SLC26A5: variants seen among roughly 807,000 people sequenced by gnomAD.
SLC26A5 encodes the protein prestin.
In SLC26A5, 51 loss-of-function variants were observed where a neutral mutation model predicts 81.0. That is an observed-to-expected ratio of 0.63 (90% CI 0.50 to 0.80). SLC26A5 has a LOEUF of 0.80. SLC26A5 is among the 30% of genes least tolerant of loss of function. The pLI is 0.00. For synonymous variants in SLC26A5, 325 were observed against 332.8 expected, an observed-to-expected ratio of 0.98 and a Z score of 0.25; for missense variants, 771 against 905.8, an observed-to-expected ratio of 0.85 and a Z score of 1.91.
chr7:103,424,218 T>C (rs1825559719), intron 2 of SLC26A5, among the ~76,000 whole-genome samples: 1 of 152,218 alleles, frequency 6.6e-6, no homozygotes. Context: ...TTCCAAACCC[T>C]TGTTCTGTCT....
intron 7 of SLC26A5, among the ~76,000 whole-genome samples, chr7:103,409,777 G>A (rs890966834): frequency 5.9e-5 from 9 of 151,614 alleles, no homozygotes; most frequent in African/African-American, 2.2e-4. Context: ...ATGGGATCTC[G>A]GGTCACTACA....
intron 2 of SLC26A5, among the ~76,000 whole-genome samples, chr7:103,425,241 A>G (rs1825632559): frequency 6.6e-6 from 1 of 152,224 alleles, no homozygotes; most frequent in Admixed American, 6.5e-5. Flanking sequence ...TCCCCAGGAC[A>G]TGCAGTTGAT....
chr7:103,429,112 A>G (rs1469590528), intron 2 of SLC26A5, among the ~76,000 whole-genome samples: 3 of 152,228 alleles, frequency 2.0e-5, no homozygotes, highest in African/African-American at 7.2e-5. Flanking sequence ...CAAAATGCCA[A>G]TTAAATCTCT....
At chr7:103,392,574 G>GTTAT (rs1174013751) in intron 10 of SLC26A5, among the ~76,000 whole-genome samples, 2 of 152,096 alleles carry the variant, frequency 1.3e-5, no homozygotes, top group African/African-American at 2.4e-5. Context: ...ACCGACCTTG[G>GTTAT]TTATTTATTT....
At chr7:103,354,727 G>A (rs1819935349) in intron 19 of SLC26A5, 2 of 598,394 alleles carry the variant, frequency 3.3e-6, no homozygotes, top group South Asian at 4.1e-5. Flanking sequence ...GGGAAATATT[G>A]GGTCAGGAAT....
At chr7:103,445,873 G>A (rs1334182966) in intron 1 of SLC26A5, 3 of 152,624 alleles carry the variant, frequency 2.0e-5, no homozygotes, top group Non-Finnish European at 2.9e-5. Flanking sequence ...GCAAAGGAAA[G>A]AGCTTCGTGA....
intron 19 of SLC26A5, chr7:103,355,908 T>A: frequency 1.4e-6 from 1 of 699,376 alleles, no homozygotes; most frequent in Non-Finnish European, 2.2e-6. Flanking sequence ...AAATTCCAAG[T>A]AAATAAAGCT....
chr7:103,424,834 A>G (rs1379964578), intron 2 of SLC26A5, among the ~76,000 whole-genome samples: 1 of 152,118 alleles, frequency 6.6e-6, no homozygotes, highest in Non-Finnish European at 1.5e-5. Flanking sequence ...TGGTCTGGGG[A>G]GGGCTTGAAT....
At chr7:103,425,946 C>T (rs1051098361) in intron 2 of SLC26A5, among the ~76,000 whole-genome samples, 1 of 152,120 alleles carries the variant, frequency 6.6e-6, no homozygotes, top group Non-Finnish European at 1.5e-5. Flanking sequence ...AGGCTCAAAA[C>T]CACTGACATA....
intron 19 of SLC26A5, chr7:103,362,464 C>T (rs1240895144): frequency 1.5e-6 from 2 of 1,379,116 alleles, no homozygotes; most frequent in Non-Finnish European, 1.9e-6. Context: ...ATCTCCCCTC[C>T]CTCCTCAAAG....
chr7:103,361,827 T>A, intron 19 of SLC26A5: 1 of 868,658 alleles, frequency 1.2e-6, no homozygotes. Flanking sequence ...AAAGGATCTT[T>A]AACAGTGTCC....
chr7:103,399,843 A>G (rs1469481292), intron 8 of SLC26A5, among the ~76,000 whole-genome samples: 1 of 152,112 alleles, frequency 6.6e-6, no homozygotes, highest in East Asian at 1.9e-4. Flanking sequence ...TTCCTGTGTT[A>G]GTTTGCTGAG....
chr7:103,435,979 A>G (rs192064146), intron 2 of SLC26A5, among the ~76,000 whole-genome samples: 1 of 152,284 alleles, frequency 6.6e-6, no homozygotes, highest in East Asian at 1.9e-4. Context: ...TTTGTACGCT[A>G]AAATTTATAA....
intron 14 of SLC26A5, among the ~76,000 whole-genome samples, chr7:103,387,993 T>C (rs560059985): frequency 2.0e-4 from 30 of 152,262 alleles, no homozygotes; most frequent in Non-Finnish European, 3.1e-4. Flanking sequence ...GTCCAGGCTA[T>C]TTCTATGACA....
intron 19 of SLC26A5, among the ~76,000 whole-genome samples, chr7:103,366,520 T>A (rs1444684663): frequency 3.9e-5 from 6 of 152,236 alleles, no homozygotes; most frequent in African/African-American, 1.4e-4. Flanking sequence ...TCTAAAGTGC[T>A]CCAATGAGTA....
intron 10 of SLC26A5, 139 bp from the exon 11 acceptor site, chr7:103,391,874 A>G (rs1822688781): frequency 1.3e-6 from 1 of 740,942 alleles, no homozygotes; most frequent in Non-Finnish European, 2.4e-6. Context: ...TTTGTTCAGC[A>G]TGAGTTCAAA....
intron 8 of SLC26A5, among the ~76,000 whole-genome samples, chr7:103,406,674 G>C (rs894379936): frequency 6.6e-6 from 1 of 152,034 alleles, no homozygotes; most frequent in Non-Finnish European, 1.5e-5. Context: ...CATTTCTTTT[G>C]AGACAAAATC....
intron 19 of SLC26A5, among the ~76,000 whole-genome samples, chr7:103,365,263 G>T (rs190339167): frequency 1.5e-3 from 233 of 152,204 alleles, no homozygotes; most frequent in African/African-American, 5.2e-3. Flanking sequence ...ACAGAATCAT[G>T]AAAATGACTT....
chr7:103,390,579 T>C, intron 11 of SLC26A5, 73 bp from the exon 12 acceptor site: 1 of 1,219,832 alleles, frequency 8.2e-7, no homozygotes, highest in Non-Finnish European at 1.2e-6. Flanking sequence ...GTTGGTTTTA[T>C]TCTTTTGATA....
Sources: allele counts gnomAD v4.1 joint callset (sites outside exome capture counted in the v4.1 genomes callset), GRCh38; gene constraint gnomAD v4.1.1; transcripts MANE v1.5; gene names NCBI Gene and HGNC (gene_info 2026-07-23, HGNC 2026-07-21).